NHLH2: variants seen among roughly 807,000 people sequenced by gnomAD.
NHLH2 encodes the protein helix-loop-helix protein 2.
Under a neutral mutation model 7.3 loss-of-function variants are expected in NHLH2, and 7 were observed. The observed-to-expected ratio is 0.96, with a 90% confidence interval of 0.55 to 1.81. The LOEUF (loss-of-function observed/expected upper bound fraction) is 1.81, where lower values mean the gene tolerates loss of function less well. NHLH2 is among the 40% of genes most tolerant of loss of function. The pLI, the probability that NHLH2 is intolerant of heterozygous loss-of-function variation, is 0.00. For missense variants in NHLH2, 155 were observed against 194.0 expected (o/e 0.80, Z 1.19); for synonymous variants, 93 against 91.6 (o/e 1.01, Z -0.09).
Position 115,837,875 on chromosome 1 carries a change from C to A in NHLH2, c.*90G>T, listed in dbSNP as rs1650922621. ...AGGCGGCCGTCTCGCTGGGCCACCG[C>A]AGCCTCCGCCACCCGAGCGACGGCG... On this transcript the variant is annotated 3_prime_UTR_variant, in exon 3 of 3. Coordinates refer to ENST00000320238, the MANE Select transcript of NHLH2 (RefSeq NM_005599.3). 2.9e-6 allele frequency: 4 copies of A among 1,402,068 alleles called. No homozygotes were observed. In the South Asian group the frequency reaches 5.4e-5, roughly 19 times the overall value. The allele number at this position is 1,402,068 out of a possible 1,614,324, so 86.9% of individuals were successfully genotyped here. A position where few individuals can be genotyped will look rare whatever the true frequency, so the allele number is the denominator to read the frequency against.
At chr1:115,834,965 T>A (rs922674187), downstream of NHLH2, among the ~76,000 whole-genome samples, 2 of 152,202 alleles carry the variant, frequency 1.3e-5, no homozygotes, top group Non-Finnish European at 2.9e-5. Context: ...AATGAGCCAG[T>A]CACCCTCTGG....
At chr1:115,831,809 C>G (rs2101189571), downstream of NHLH2, among the ~76,000 whole-genome samples, 1 of 152,044 alleles carries the variant, frequency 6.6e-6, no homozygotes, top group African/African-American at 2.4e-5. Flanking sequence ...GTAATCCCAG[C>G]TACTCGGGAG....
Position 115,838,277 on chromosome 1 carries a change from G to A in NHLH2, c.96C>T (p.Leu32=). ...CCGGCTCCAGGTCCGACACGCTGCC[G>A]AGCACCTTGGTGTCCGTGCCGCCCA... ...ESLGGTDTKV[L]GSVSDLEPVE... The change falls in exon 3 of 3, where the codon CTC becomes CTT. Residue 32 remains leucine (L), a synonymous_variant. Transcript: ENST00000320238. 1 of 1,604,622 alleles carries A rather than the reference G, an allele frequency of 6.2e-7. No individual in the cohort carries two copies.
chr1:115,835,224 C>T (rs980770780), downstream of NHLH2, among the ~76,000 whole-genome samples: 2 of 152,152 alleles, frequency 1.3e-5, no homozygotes, highest in Non-Finnish European at 2.9e-5. Flanking sequence ...AGTTGGGCCC[C>T]TAAACTGGGA....
chr1:115,838,313 A>T lies in NHLH2; in HGVS notation c.60T>A (p.Asp20Glu), dbSNP rs753914376. 6.2e-7 allele frequency: 1 copy of T among 1,609,438 alleles called. No homozygotes were observed. Among genetic ancestry groups the T allele is most frequent in the Admixed American group, 1.7e-5 (1 of 59,966 alleles). Reference protein sequence around the residue: ...DSDHPSSAHSDPESLGGTDTK... With the variant: ...DSDHPSSAHSEPESLGGTDTK... ...TGTCCGTGCCGCCCAGGGACTCCGG[A>T]TCCGAGTGCGCCGAGCTGGGATGGT... is the stretch of plus-strand genomic sequence containing the variant. Residue 20 changes from aspartate to glutamate, a missense_variant, in exon 3 of 3, where the codon GAT becomes GAA. Around this residue, in one of 2 missense-constraint regions of NHLH2, gnomAD observed 91 missense variants for 86.6 expected, o/e 1.05. Coordinates refer to ENST00000320238, the MANE Select transcript of NHLH2 (RefSeq NM_005599.3).
At chr1:115,839,975 C>T (rs767094026) in intron 2 of NHLH2, 1 of 167,022 alleles carries the variant, frequency 6.0e-6, no homozygotes, top group Admixed American at 6.5e-5. Context: ...CTTGAAAGGG[C>T]AGAAATAAAT....
In NHLH2 at chr1:115,837,539, A is replaced by C; in HGVS notation, c.*426T>G. Reference sequence around the variant, plus strand: ...GTTTGGTGATTTGTCCATTAGAAAAATTCCAGATAGCCTAAAGTTATGAGC... The same window carrying C: ...GTTTGGTGATTTGTCCATTAGAAAACTTCCAGATAGCCTAAAGTTATGAGC... On this transcript the variant is annotated 3_prime_UTR_variant, in exon 3 of 3. Coordinates refer to ENST00000320238, the MANE Select transcript of NHLH2 (RefSeq NM_005599.3). The C allele has an allele frequency of 5.8e-6, 1 of 170,992 alleles. No individual in the cohort carries two copies. The highest frequency in any genetic ancestry group is 1.5e-4 in the South Asian group (1 of 6,454). 10.6% of individuals were successfully genotyped at this position (170,992 alleles called of 1,614,324 possible). A position where few individuals can be genotyped will look rare whatever the true frequency, so the allele number is the denominator to read the frequency against.
downstream of NHLH2, among the ~76,000 whole-genome samples, chr1:115,833,483 G>C (rs892819889): frequency 1.4e-4 from 22 of 152,266 alleles, no homozygotes; most frequent in East Asian, 2.9e-3. Flanking sequence ...GGCACCAAGG[G>C]GGGTGGTGTG....
In NHLH2 at chr1:115,837,302, A is replaced by G. The variant is rs1650900451; in HGVS notation, c.*663T>C. 1 of 152,686 alleles carries G rather than the reference A, an allele frequency of 6.5e-6. No individual in the cohort carries two copies. The highest frequency in any genetic ancestry group is 6.5e-5 in the Admixed American group (1 of 15,290). 9.5% of individuals were successfully genotyped at this position (152,686 alleles called of 1,614,324 possible). On this transcript the variant is annotated 3_prime_UTR_variant, in exon 3 of 3. Coordinates refer to ENST00000320238, the MANE Select transcript of NHLH2 (RefSeq NM_005599.3). ...GGATTTTCCTGTCTACCTTGGTGTCATATCTTGGGGATAAAATATCACCAA... is the reference window on the plus strand; with the variant it reads ...GGATTTTCCTGTCTACCTTGGTGTCGTATCTTGGGGATAAAATATCACCAA...
downstream of NHLH2, among the ~76,000 whole-genome samples, chr1:115,835,678 T>C (rs1259695269): frequency 2.6e-5 from 4 of 152,180 alleles, no homozygotes; most frequent in Admixed American, 2.6e-4. Flanking sequence ...AAACCAGAGA[T>C]TTGGTGTGAT....
chr1:115,839,809 A>T (rs1043551042), intron 2 of NHLH2: 5 of 167,062 alleles, frequency 3.0e-5, no homozygotes, highest in African/African-American at 1.2e-4. Context: ...CTTGCAGAGG[A>T]GCGAATTGGG....
chr1:115,832,416 T>C (rs1202483099), downstream of NHLH2, among the ~76,000 whole-genome samples: 1 of 152,252 alleles, frequency 6.6e-6, no homozygotes, highest in African/African-American at 2.4e-5. Context: ...TGATTTTAGC[T>C]TATCCTATGT....
downstream of NHLH2, among the ~76,000 whole-genome samples, chr1:115,831,636 T>G (rs903350782): frequency 2.0e-5 from 3 of 152,030 alleles, no homozygotes; most frequent in Admixed American, 2.0e-4. Context: ...ACCCCTTGTC[T>G]GGCTGGGCGC....
intron 2 of NHLH2, 61 bp from the exon 3 acceptor site, chr1:115,838,441 GCTGCCGAGGCCTACC>G: frequency 6.5e-7 from 1 of 1,542,958 alleles, no homozygotes; most frequent in South Asian, 1.2e-5. Flanking sequence ...TGGAAGGATG[GCTGCCGAGGCCTACC>G]ACGCCGGTCC....
intron 2 of NHLH2, chr1:115,838,585 C>A: frequency 2.0e-6 from 1 of 501,626 alleles, no homozygotes; most frequent in Non-Finnish European, 3.5e-6. Flanking sequence ...GGCGCGGGAG[C>A]CGGCGGGGAC....
chr1:115,838,769 C>A (rs1650963077), intron 2 of NHLH2: 2 of 210,010 alleles, frequency 9.5e-6, no homozygotes, highest in East Asian at 2.9e-4. Flanking sequence ...CCTTCGTCCC[C>A]TTCCCGGACA....
At chr1:115,835,142 C>T (rs1157600463), downstream of NHLH2, among the ~76,000 whole-genome samples, 2 of 152,098 alleles carry the variant, frequency 1.3e-5, no homozygotes, top group African/African-American at 4.8e-5. Flanking sequence ...ATCCCAAGGG[C>T]CTTTTGTCTA....
chr1:115,838,693 TG>T, intron 2 of NHLH2: 1 of 325,708 alleles, frequency 3.1e-6, no homozygotes. Flanking sequence ...CGCAGGCCTG[TG>T]GGGTCGCGAC....
intron 2 of NHLH2, chr1:115,839,674 G>C (rs1457973330): frequency 6.0e-6 from 1 of 166,732 alleles, no homozygotes; most frequent in Non-Finnish European, 1.5e-5. Flanking sequence ...TGAGAACTCG[G>C]GGCCCCGGCG....
Sources: gnomAD v4.1 joint callset for allele counts (sites outside exome capture counted in the v4.1 genomes callset) on GRCh38, gnomAD v4.1.1 for gene constraint, gnomAD v4.1.1 regional missense constraint, MANE v1.5 for transcripts, NCBI Gene and HGNC (gene_info 2026-07-23, HGNC 2026-07-21) for gene names.